Variants in HK3 observed in about 807,000 individuals in gnomAD.
HK3 encodes hexokinase 3, also known as hexokinase-3.
HK3 carries 93 observed loss-of-function variants against 91.0 expected under a neutral mutation model. The observed-to-expected ratio is 1.02, with a 90% CI of 0.86 to 1.21. The LOEUF is 1.21. Among genes scored for constraint, HK3 ranks in the 50% most tolerant of loss-of-function variants. HK3 has a pLI of 0.00. For missense variants in HK3, 1,235 were observed against 1,247.4 expected, an observed-to-expected ratio of 0.99 and a Z score of 0.15; for synonymous variants, 519 against 516.9, an observed-to-expected ratio of 1.00 and a Z score of -0.06.
Position 176,883,869 on chromosome 5 carries a change from C to T in HK3, c.1954G>A (p.Ala652Thr), listed in dbSNP as rs776992861. Residue 652 changes from alanine (A) to threonine (T), a missense_variant and splice_region_variant, in exon 15 of 19, where the codon GCA becomes ACA. Coordinates refer to ENST00000292432, the MANE Select transcript of HK3 (RefSeq NM_002115.3). Reference protein sequence around the residue: ...LLREAITRRQAVELNVVAIVN... With the variant: ...LLREAITRRQTVELNVVAIVN... ...ATGGCAACCACATTCAGCTCCACTG[C>T]CTGCACACAAAAGGATGCTGCTAGT... The T allele has an allele frequency of 6.2e-7, 1 of 1,613,832 alleles. No homozygotes were observed. The highest frequency in any genetic ancestry group is 1.7e-5 in the Admixed American group (1 of 60,016).
chr5:176,895,607 C>T (rs186801391), intron 2 of HK3, among the ~76,000 whole-genome samples: 1 of 152,272 alleles, frequency 6.6e-6, no homozygotes, highest in East Asian at 1.9e-4. Flanking sequence ...GCACTAAAAT[C>T]GTCTGTGTGC....
At chr5:176,883,694 C>T (rs1758502192) in intron 15 of HK3, 76 bp downstream of exon 15, 8 of 1,172,672 alleles carry the variant, frequency 6.8e-6, no homozygotes, top group African/African-American at 1.5e-5. Context: ...GCCAAGGAAA[C>T]ATCCAACCAG....
chr5:176,894,979 G>A (rs1241478490), intron 2 of HK3, among the ~76,000 whole-genome samples: 2 of 150,868 alleles, frequency 1.3e-5, no homozygotes, highest in East Asian at 2.0e-4. Flanking sequence ...GGGTTTCACC[G>A]TGTTAGCCAG....
chr5:176,883,129 G>A (rs778377207), intron 15 of HK3, among the ~76,000 whole-genome samples: 13 of 152,222 alleles, frequency 8.5e-5, no homozygotes, highest in Non-Finnish European at 1.2e-4. Context: ...TGACCGCTAC[G>A]TGTTGTTCTG....
intron 15 of HK3, 34 bp from the exon 16 acceptor site, chr5:176,882,161 A>G: frequency 6.2e-7 from 1 of 1,608,332 alleles, no homozygotes; most frequent in Non-Finnish European, 8.5e-7. Context: ...GAAGCTACTT[A>G]CTGATGTAGA....
intron 13 of HK3, 141 bp downstream of exon 13, chr5:176,886,861 A>G: frequency 2.1e-6 from 2 of 961,304 alleles, no homozygotes; most frequent in Non-Finnish European, 3.1e-6. Context: ...GCTGTGTGCA[A>G]GCCCAGCCCA....
chr5:176,897,758 C>T (rs894301732), intron 1 of HK3, among the ~76,000 whole-genome samples: 1 of 152,098 alleles, frequency 6.6e-6, no homozygotes. Flanking sequence ...TCCCAAGTTT[C>T]GGTCATGCCC....
chr5:176,884,187 ACT>A lies in HK3; in HGVS notation c.1858-55_1858-54del, dbSNP rs1758522208. The A allele has an allele frequency of 2.4e-5, 35 of 1,444,562 alleles. 1 individual carries two copies. In the South Asian group the frequency reaches 3.8e-4, roughly 16 times the overall value. 89.5% of individuals were successfully genotyped at this position (1,444,562 alleles called of 1,614,324 possible). A position where few individuals can be genotyped will look rare whatever the true frequency, so the allele number is the denominator to read the frequency against. On this transcript the variant is annotated intron_variant, in intron 13 of 18. Transcript: ENST00000292432. The surrounding 1 kb of genome is among the most constrained non-coding windows in gnomAD (Gnocchi z 4.1). ...GGAAGCTGGAGGCCCCTTCAGGCTC[ACT>A]CTGCCTCTGCAAAACCTGCATCCAT...
rs781738706 is a variant in HK3, at chr5:176,891,416, T to C, written c.231A>G (p.Thr77=). Residue 77 remains threonine (T), a synonymous_variant, in exon 3 of 19, where the codon ACA becomes ACG. Transcript: ENST00000292432. ...SPAPAVRMLP[T]YVGSTPHGTE... ...TGCCATGTGGGGTGGACCCCACGTA[T>C]GTAGGCAGCATCCGGACCGCAGGGG... is the stretch of plus-strand genomic sequence containing the variant. The C allele has an allele frequency of 1.5e-5, 25 of 1,613,702 alleles. No homozygotes were observed. The highest frequency in any genetic ancestry group is 6.7e-5 in the Admixed American group (4 of 59,972).
In HK3 at chr5:176,888,453, C is replaced by A; in HGVS notation, c.1183G>T (p.Ala395Ser). 6 of 1,555,854 alleles carry A rather than the reference C, an allele frequency of 3.9e-6. No individual in the cohort carries two copies. The highest frequency in any genetic ancestry group is 5.2e-6 in the Non-Finnish European group (6 of 1,149,210). ...AGGGCGGCAGCACAGAGCTGGGCAG[C>A]CCGCGTGCACACGGCCGCACAGACG... is the stretch of plus-strand genomic sequence containing the variant. ...QHVCAAVCTRAAQLCAAALAA... is the reference protein window; with the variant it reads ...QHVCAAVCTRSAQLCAAALAA... The change falls in exon 10 of 19, where the codon GCT (alanine) becomes TCT (serine). Residue 395 changes from alanine to serine, a missense_variant. By Grantham distance (99) the Ala-to-Ser change is moderately conservative. Coordinates refer to ENST00000292432, the MANE Select transcript of HK3 (RefSeq NM_002115.3).
intron 2 of HK3, among the ~76,000 whole-genome samples, chr5:176,893,179 G>A (rs1028770815): frequency 1.3e-5 from 2 of 152,186 alleles, no homozygotes; most frequent in African/African-American, 4.8e-5. Context: ...GAGAGGGCAA[G>A]TCATCTGCAG....
intron 13 of HK3, among the ~76,000 whole-genome samples, chr5:176,885,334 C>T (rs578237666): frequency 3.9e-5 from 6 of 152,342 alleles, no homozygotes; most frequent in African/African-American, 7.2e-5. Context: ...GCAAATTCTG[C>T]ACAGCAAAGG....
rs529613291 is a variant in HK3, at chr5:176,887,612, C to T, written c.1439G>A (p.Arg480Gln). 8 of 1,613,724 alleles carry T rather than the reference C, an allele frequency of 5.0e-6. No individual in the cohort carries two copies. The highest frequency in any genetic ancestry group is 3.3e-4 in the Middle Eastern group (2 of 6,062). The change falls in exon 11 of 19, where the codon CGG (arginine) becomes CAG (glutamine). Residue 480 changes from arginine to glutamine, a missense_variant. By Grantham distance (43) the Arg-to-Gln change is conservative (BLOSUM62 1). Transcript: ENST00000292432. The surrounding 1 kb of genome is among the most constrained non-coding windows in gnomAD (Gnocchi z 4.9). ...TAVAARLAAHRRLLEETLAPF... is the reference protein window; with the variant it reads ...TAVAARLAAHQRLLEETLAPF... ...GGCCAGGGTCTCCTCCAGCAGGCGCCGGTGGGCAGCCAGACGGGCAGCCAC... is the reference window on the plus strand; with the variant it reads ...GGCCAGGGTCTCCTCCAGCAGGCGCTGGTGGGCAGCCAGACGGGCAGCCAC...
In HK3 at chr5:176,891,423, A is replaced by C. The variant is rs770007916; in HGVS notation, c.224T>G (p.Leu75Arg). ...TGGGGTGGACCCCACGTATGTAGGC[A>C]GCATCCGGACCGCAGGGGCAGGGCT... The part of the protein sequence containing the change: ...QASPAPAVRM[L>R]PTYVGSTPHG... Residue 75 changes from leucine to arginine, a missense_variant, in exon 3 of 19, where the codon CTG (leucine) becomes CGG (arginine). Physicochemically the swap from Leu to Arg is moderately radical, Grantham distance 102. Coordinates refer to ENST00000292432, the MANE Select transcript of HK3 (RefSeq NM_002115.3). The C allele has an allele frequency of 1.9e-6, 3 of 1,613,884 alleles. No individual in the cohort carries two copies. The highest frequency in any genetic ancestry group is 2.5e-6 in the Non-Finnish European group (3 of 1,179,920).
At position 176,888,572 on chromosome 5, in the gene HK3, G is replaced by A. The variant is rs1352451903; in HGVS notation, c.1071-7C>T. ...GGCTGCCCCAGTAGAGGGGCTGGAGGGGAAAGGGAAGTGGTTTGGGGCTCA... is the reference window on the plus strand; with the variant it reads ...GGCTGCCCCAGTAGAGGGGCTGGAGAGGAAAGGGAAGTGGTTTGGGGCTCA... On this transcript the variant is annotated splice_region_variant and splice_polypyrimidine_tract_variant and intron_variant, in intron 9 of 18. Coordinates refer to ENST00000292432, the MANE Select transcript of HK3 (RefSeq NM_002115.3). 1.3e-6 allele frequency: 2 copies of A among 1,577,128 alleles called. No homozygotes were observed. Among genetic ancestry groups the A allele is most frequent in the African/African-American group, 2.7e-5 (2 of 73,752 alleles).
chr5:176,889,777 GC>G (rs1758716551), intron 6 of HK3, 33 bp from the exon 7 acceptor site: 2 of 1,586,436 alleles, frequency 1.3e-6, no homozygotes, highest in Non-Finnish European at 1.7e-6. Context: ...GTCAAGGCTG[GC>G]CTGAGTGGCC....
rs1758503868 is a variant in HK3 at position 176,883,759 on chromosome 5, G to GC, written c.2053+10dup. The GC allele has an allele frequency of 1.2e-6, 2 of 1,602,664 alleles. No individual in the cohort carries two copies. The highest frequency in any genetic ancestry group is 1.7e-6 in the Non-Finnish European group (2 of 1,170,036). On this transcript the variant is annotated intron_variant, in intron 15 of 18. Transcript: ENST00000292432. ...AGCAGTAGGGGCATGAAAGGGCAGG[G>GC]CCCTCCTCACCGACAATGAGGCCTA... is the stretch of plus-strand genomic sequence containing the variant.
rs1758437962 is a variant in HK3, at chr5:176,881,778, GC to G, written c.2306del (p.Ser769ThrfsTer42). On this transcript the variant is annotated frameshift_variant, in exon 17 of 19. Coordinates refer to ENST00000292432, the MANE Select transcript of HK3 (RefSeq NM_002115.3). LOFTEE classifies it high-confidence loss of function. ...IVRHILLHLT[S>X]LGVLFRGQQI... ...GCTGGCCCCGGAAGAGAACGCCAAG[GC>G]TGGTTAAATGTAAAAGGATGTGGCG... 1 of 1,614,032 alleles carries G rather than the reference GC, an allele frequency of 6.2e-7. No homozygotes were observed. The highest frequency in any genetic ancestry group is 1.1e-5 in the South Asian group (1 of 91,088).
In HK3 at chr5:176,891,300, A is replaced by G. The variant is rs555141558; in HGVS notation, c.259+88T>C. 22 of 1,607,500 alleles carry G rather than the reference A, an allele frequency of 1.4e-5. 2 individuals carry two copies. The highest frequency in any genetic ancestry group is 3.3e-4 in the Middle Eastern group (2 of 6,046). On this transcript the variant is annotated intron_variant, in intron 3 of 18. Coordinates refer to ENST00000292432, the MANE Select transcript of HK3 (RefSeq NM_002115.3). ...AAAGTCTGGTCAAGGGGCCATAGAGATGGGGGACAGGAATAAGGAACGTTT... is the reference window on the plus strand; with the variant it reads ...AAAGTCTGGTCAAGGGGCCATAGAGGTGGGGGACAGGAATAAGGAACGTTT...
Sources: allele counts gnomAD v4.1 joint callset (sites outside exome capture counted in the v4.1 genomes callset), GRCh38; gene constraint gnomAD v4.1.1; non-coding constraint Gnocchi (gnomAD v3.1); transcripts MANE v1.5; gene names NCBI Gene and HGNC (gene_info 2026-07-23, HGNC 2026-07-21).